Variants in BNIP2 observed in about 807,000 individuals in gnomAD.
BNIP2 encodes the protein BCL2 interacting protein 2.
A neutral mutation model predicts 43.4 loss-of-function variants in BNIP2; 36 were observed. The observed-to-expected ratio is 0.83, with a 90% CI of 0.64 to 1.10. BNIP2 has a LOEUF of 1.10. BNIP2 is among the 50% of genes least tolerant of loss of function. The pLI is 0.00. For missense variants in BNIP2, 417 were observed against 374.1 expected (o/e 1.11, Z -0.95); for synonymous variants, 146 against 121.0 (o/e 1.21, Z -1.35).
chr15:59,664,161 G>T, intron 9 of BNIP2, 41 bp from the exon 10 acceptor site: 3 of 1,309,616 alleles, frequency 2.3e-6, no homozygotes, highest in South Asian at 2.8e-5. Context: ...ACCAGCAACT[G>T]AACAATTTTC....
chr15:59,676,090 A>C (rs549148088), intron 5 of BNIP2, among the ~76,000 whole-genome samples: 22 of 152,352 alleles, frequency 1.4e-4, no homozygotes, highest in Non-Finnish European at 2.8e-4. Flanking sequence ...CTGCACACTT[A>C]AGATCAGAGC....
At chr15:59,684,107 A>G (rs1299936590) in intron 1 of BNIP2, among the ~76,000 whole-genome samples, 1 of 152,210 alleles carries the variant, frequency 6.6e-6, no homozygotes, top group Non-Finnish European at 1.5e-5. Context: ...GAAGTGTTAG[A>G]TTTCACAAGG....
At chr15:59,667,640 C>A (rs1269588923) in intron 9 of BNIP2, among the ~76,000 whole-genome samples, 1 of 152,060 alleles carries the variant, frequency 6.6e-6, no homozygotes, top group African/African-American at 2.4e-5. Context: ...AAAAGGAAAC[C>A]AATGTTGGTT....
rs1441496865 is a variant in BNIP2 at position 59,689,307 on chromosome 15, GA to G, written c.-231del. 1.3e-6 allele frequency: 2 copies of G among 1,547,090 alleles called. No individual in the cohort carries two copies. Among genetic ancestry groups the G allele is most frequent in the African/African-American group, 2.7e-5 (2 of 72,932 alleles). On this transcript the variant is annotated 5_prime_UTR_variant, in exon 1 of 10. Coordinates refer to ENST00000607373, the MANE Select transcript of BNIP2 (RefSeq NM_004330.4). ...CGGTACGGCGTCGGCGGCAGCAGCT[GA>G]CCCGGACACAGTGAGAAGCCCCGGC...
intron 1 of BNIP2, among the ~76,000 whole-genome samples, chr15:59,685,226 G>T (rs549018913): frequency 6.6e-6 from 1 of 152,312 alleles, no homozygotes; most frequent in African/African-American, 2.4e-5. Flanking sequence ...GAGGCCGGAC[G>T]TGGTGGCTCA....
At chr15:59,668,550 T>G (rs754499728) in intron 9 of BNIP2, among the ~76,000 whole-genome samples, 2 of 152,256 alleles carry the variant, frequency 1.3e-5, no homozygotes, top group Non-Finnish European at 1.5e-5. Context: ...TTACTCAAAT[T>G]TGTTGAGCAC....
chr15:59,677,087 T>C (rs909399927), intron 5 of BNIP2: 3 of 1,609,790 alleles, frequency 1.9e-6, no homozygotes, highest in East Asian at 4.5e-5. Context: ...AAGAAAGCAC[T>C]ACCTTCATAG....
Position 59,661,952 on chromosome 15 carries a change from T to C in BNIP2, c.*2117A>G, listed in dbSNP as rs527322322. 3 of 152,338 alleles carry C rather than the reference T, an allele frequency of 2.0e-5. No homozygotes were observed. The highest frequency in any genetic ancestry group is 4.1e-4 in the South Asian group (2 of 4,826). The allele number at this position is 152,338 out of a possible 1,614,324, so 9.4% of individuals were successfully genotyped here. ...GATTCACAGCACCTCATTTTCATTA[T>C]ATCCCAGGTGTTATCACTGTTGTCT... On this transcript the variant is annotated 3_prime_UTR_variant, in exon 10 of 10. Transcript: ENST00000607373.
At chr15:59,671,368 T>A (rs748212433) in intron 6 of BNIP2, 54 bp from the exon 7 acceptor site, 242 of 1,470,634 alleles carry the variant, frequency 1.6e-4, no homozygotes, top group Non-Finnish European at 1.9e-4. Context: ...ATAACTGAAC[T>A]AGGTTCTCTA....
intron 5 of BNIP2, among the ~76,000 whole-genome samples, chr15:59,672,946 C>T (rs1173635928): frequency 3.3e-5 from 5 of 151,948 alleles, no homozygotes; most frequent in Non-Finnish European, 7.4e-5. Context: ...TTAAAGAGGA[C>T]GGTGGACAGA....
chr15:59,680,099 G>T (rs1893565566), intron 3 of BNIP2, 142 bp downstream of exon 3: 3 of 720,936 alleles, frequency 4.2e-6, no homozygotes, highest in South Asian at 2.7e-5. Flanking sequence ...TTCTAAAAAT[G>T]CTTTCCTCAA....
intron 5 of BNIP2, among the ~76,000 whole-genome samples, chr15:59,673,298 T>G (rs1449246407): frequency 1.3e-5 from 2 of 152,020 alleles, no homozygotes; most frequent in African/African-American, 4.8e-5. Context: ...GTATTTTTAG[T>G]AGAGATGGGG....
chr15:59,689,286 A>ACGG lies in BNIP2; in HGVS notation c.-212_-210dup, dbSNP rs1264528877. 2 of 1,545,906 alleles carry ACGG rather than the reference A, an allele frequency of 1.3e-6. No homozygotes were observed. The highest frequency in any genetic ancestry group is 2.5e-5 in the East Asian group (1 of 40,810). On this transcript the variant is annotated 5_prime_UTR_variant, in exon 1 of 10. Coordinates refer to ENST00000607373, the MANE Select transcript of BNIP2 (RefSeq NM_004330.4). ...GGCCCAATCCCCCGGCCGCAGCGGT[A>ACGG]CGGCGTCGGCGGCAGCAGCTGACCC...
chr15:59,678,672 TTA>T, intron 4 of BNIP2: 1 of 1,191,742 alleles, frequency 8.4e-7, no homozygotes, highest in Non-Finnish European at 1.1e-6. Flanking sequence ...TAAGTGTAAT[TTA>T]TGTTTTGAGA....
At chr15:59,675,774 T>G (rs1397834024) in intron 5 of BNIP2, among the ~76,000 whole-genome samples, 2 of 152,168 alleles carry the variant, frequency 1.3e-5, no homozygotes, top group Non-Finnish European at 2.9e-5. Context: ...AATGGAAAAC[T>G]ACTCAGCAAT....
intron 9 of BNIP2, chr15:59,668,082 C>G: frequency 7.7e-7 from 1 of 1,293,370 alleles, no homozygotes; most frequent in Non-Finnish European, 1.0e-6. Flanking sequence ...TAGATGCAAC[C>G]CAGTCAAGGT....
At chr15:59,680,193 A>G (rs754329809) in intron 3 of BNIP2, 48 bp downstream of exon 3, 72 of 1,377,106 alleles carry the variant, frequency 5.2e-5, no homozygotes, top group Non-Finnish European at 3.6e-5. Context: ...GTTTTAAAAA[A>G]TAACACAAAG....
intron 5 of BNIP2, chr15:59,676,902 G>C: frequency 1.2e-6 from 2 of 1,601,948 alleles, no homozygotes; most frequent in South Asian, 1.1e-5. Flanking sequence ...TGCACGGTGT[G>C]GCTGGCAGCC....
intron 5 of BNIP2, among the ~76,000 whole-genome samples, chr15:59,673,150 G>A (rs1216986509): frequency 6.9e-6 from 1 of 144,558 alleles, no homozygotes; most frequent in African/African-American, 2.6e-5. Context: ...ATGGAGTCTC[G>A]TTCTGTCGTC....
Sources: allele counts gnomAD v4.1 joint callset (sites outside exome capture counted in the v4.1 genomes callset), GRCh38; gene constraint gnomAD v4.1.1; transcripts MANE v1.5; gene names NCBI Gene and HGNC (gene_info 2026-07-23, HGNC 2026-07-21).